FAT2: variants seen among roughly 807,000 people sequenced by gnomAD.
The protein encoded by FAT2 is protocadherin Fat 2.
A neutral mutation model predicts 295.3 loss-of-function variants in FAT2; 150 were observed. The ratio of observed to expected loss-of-function variants is 0.51; its 90% CI spans 0.44 to 0.58. The LOEUF (loss-of-function observed/expected upper bound fraction) is 0.58, where lower values mean the gene tolerates loss of function less well. Ranked by LOEUF, FAT2 falls within the 20% of genes least tolerant of loss-of-function variation. FAT2 has a pLI of 0.00. For missense variants in FAT2, 4,868 were observed against 5,442.7 expected (o/e 0.89, Z 3.32); for synonymous variants, 2,026 against 2,150.3 (o/e 0.94, Z 1.60).
At chr5:151,523,727 C>G (rs1237971890) in intron 18 of FAT2, among the ~76,000 whole-genome samples, 2 of 152,156 alleles carry the variant, frequency 1.3e-5, no homozygotes, top group Admixed American at 6.5e-5. Context: ...TGAGGGCCAT[C>G]TACCAATCCT....
At chr5:151,554,719 T>G in intron 4 of FAT2, 46 bp from the exon 5 acceptor site, 1 of 1,447,434 alleles carries the variant, frequency 6.9e-7, no homozygotes, top group Admixed American at 1.8e-5. Flanking sequence ...CAATTGCAAA[T>G]TAGTGACTAT....
At chr5:151,576,029 A>G (rs1252082845) in intron 1 of FAT2, among the ~76,000 whole-genome samples, 2 of 152,248 alleles carry the variant, frequency 1.3e-5, no homozygotes, top group Non-Finnish European at 2.9e-5. Flanking sequence ...CACAGGATTC[A>G]TGAGATTCAG....
At chr5:151,590,082 A>T (rs1561892752) in intron 1 of FAT2, among the ~76,000 whole-genome samples, 1 of 152,210 alleles carries the variant, frequency 6.6e-6, no homozygotes, top group Admixed American at 6.5e-5. Context: ...TTGAAACCTC[A>T]AAAATTTCAA....
Position 151,507,451 on chromosome 5 carries a change from T to C in FAT2, c.12220A>G (p.Lys4074Glu), listed in dbSNP as rs1218671068. 1 of 1,614,142 alleles carries C rather than the reference T, an allele frequency of 6.2e-7. No individual in the cohort carries two copies. The highest frequency in any genetic ancestry group is 8.5e-7 in the Non-Finnish European group (1 of 1,180,012). ...TCCATGGCCACAGGCTTGTGAGACT[T>C]GCAACGGCGGCAGTAGAAGAGAAGC... ...VGLLFYCRRC[K>E]SHKPVAMEDP... The change falls in exon 23 of 24, where the codon AAG (lysine) becomes GAG (glutamate). Residue 4074 changes from lysine to glutamate, a missense_variant. Coordinates refer to ENST00000261800, the MANE Select transcript of FAT2 (RefSeq NM_001447.3).
rs1170476016 is a variant in FAT2, at chr5:151,554,618, A to G, written c.3689T>C (p.Val1230Ala). Residue 1230 changes from valine to alanine, a missense_variant, in exon 5 of 24, where the codon GTA becomes GCA. Coordinates refer to ENST00000261800, the MANE Select transcript of FAT2 (RefSeq NM_001447.3). ...ATTGTCATTGACGTCCAAGATGCCT[A>G]CCACCACCCTGGAGGTGGACTTCAG... The part of the protein sequence containing the change: ...PSLKSTSRVV[V>A]GILDVNDNPP... The G allele has an allele frequency of 1.2e-6, 2 of 1,614,052 alleles. No homozygotes were observed. Among genetic ancestry groups the G allele is most frequent in the Admixed American group, 1.7e-5 (1 of 60,020 alleles).
intron 4 of FAT2, among the ~76,000 whole-genome samples, chr5:151,556,058 G>A (rs1033614030): frequency 2.6e-5 from 4 of 152,100 alleles, no homozygotes; most frequent in African/African-American, 4.8e-5. Context: ...GACTGGACTC[G>A]GTAAGTACAT....
intron 1 of FAT2, among the ~76,000 whole-genome samples, chr5:151,573,759 A>G (rs1758629854): frequency 6.6e-6 from 1 of 152,182 alleles, no homozygotes; most frequent in Admixed American, 6.5e-5. Context: ...GGCTTTATAG[A>G]GGCTGTGATT....
chr5:151,529,360 C>G lies in FAT2; in HGVS notation c.9844G>C (p.Glu3282Gln), dbSNP rs773163841. The change falls in exon 15 of 24, where the codon GAG (glutamate) becomes CAG (glutamine). Residue 3282 changes from glutamate (E) to glutamine (Q), a missense_variant. By Grantham distance (29) the Glu-to-Gln change is conservative. This residue lies in a region of FAT2 where 1,046 missense variants were observed against 1,210.1 expected (regional missense o/e 0.86). Coordinates refer to ENST00000261800, the MANE Select transcript of FAT2 (RefSeq NM_001447.3). Reference sequence around the variant, plus strand: ...GACAGGAAGTACTTGGGGCTTGTCTCAAAGTCCAGGCTTGCGTTGACATAC... The same window carrying G: ...GACAGGAAGTACTTGGGGCTTGTCTGAAAGTCCAGGCTTGCGTTGACATAC... ...ILYVNASLDF[E>Q]TSPKYFLSIE... is the part of the protein sequence containing the mutation. 1.2e-6 allele frequency: 2 copies of G among 1,614,014 alleles called. No individual in the cohort carries two copies. The highest frequency in any genetic ancestry group is 1.7e-6 in the Non-Finnish European group (2 of 1,180,026).
At chr5:151,532,754 G>T (rs58960363) in intron 13 of FAT2, among the ~76,000 whole-genome samples, 17,977 of 152,142 alleles carry the variant, frequency 0.12, 2,115 homozygotes, top group African/African-American at 0.31. Context: ...CCATAGTGTA[G>T]GAAAAACACC....
chr5:151,527,129 G>A (rs1581331684), intron 17 of FAT2, 105 bp downstream of exon 17: 2 of 1,210,262 alleles, frequency 1.7e-6, no homozygotes, highest in East Asian at 2.4e-5. Context: ...CAGTGGCAAA[G>A]TCACAGTCAT....
Position 151,568,601 on chromosome 5 carries a change from C to A in FAT2, c.331G>T (p.Val111Leu). The part of the protein sequence containing the change: ...SSNTALLNRE[V>L]RDSYTLIIQA... ...ATGATGAGGGTGTAGCTGTCTCGCACCTCTCTGTTCAGAAGAGCTGTGTTG... is the reference window on the plus strand; with the variant it reads ...ATGATGAGGGTGTAGCTGTCTCGCAACTCTCTGTTCAGAAGAGCTGTGTTG... The change falls in exon 2 of 24, where the codon GTG becomes TTG. Residue 111 changes from valine to leucine, a missense_variant. Val to Leu is a conservative substitution (Grantham distance 32). Transcript: ENST00000261800. 5 of 1,614,150 alleles carry A rather than the reference C, an allele frequency of 3.1e-6. No homozygotes were observed. The highest frequency in any genetic ancestry group is 4.2e-6 in the Non-Finnish European group (5 of 1,180,026).
At chr5:151,510,430 A>G (rs1273359227) in intron 21 of FAT2, 3 of 384,614 alleles carry the variant, frequency 7.8e-6, no homozygotes, top group South Asian at 3.7e-5. Context: ...GATAACAACC[A>G]TAGACACTAA....
intron 1 of FAT2, among the ~76,000 whole-genome samples, chr5:151,584,580 G>C (rs1359861107): frequency 6.6e-6 from 1 of 152,162 alleles, no homozygotes; most frequent in African/African-American, 2.4e-5. Context: ...ACCGCATACG[G>C]TCTCTGCCCA....
rs565874268 is a variant in FAT2, at chr5:151,537,752, A to G, written c.9193+41T>C. On this transcript the variant is annotated intron_variant, in intron 12 of 23. Transcript: ENST00000261800. Reference sequence around the variant, plus strand: ...TGGCACTGGGCACTTGGTATTCAGTAAAGAAGTTCTTGTTTTGATCCTGCA... The same window carrying G: ...TGGCACTGGGCACTTGGTATTCAGTGAAGAAGTTCTTGTTTTGATCCTGCA... 9.6e-5 allele frequency: 152 copies of G among 1,583,182 alleles called. 2 individuals are homozygous for G. The South Asian group carries it at 1.6e-3, about 16-fold the overall frequency.
chr5:151,536,976 C>A (rs1346100715), intron 12 of FAT2, among the ~76,000 whole-genome samples: 2 of 152,190 alleles, frequency 1.3e-5, no homozygotes, highest in South Asian at 4.1e-4. Context: ...TGTATAAATT[C>A]TCCTGCCTTG....
chr5:151,575,085 G>A (rs1320383696), intron 1 of FAT2, among the ~76,000 whole-genome samples: 1 of 152,260 alleles, frequency 6.6e-6, no homozygotes, highest in Non-Finnish European at 1.5e-5. Context: ...GCAGTCTGAA[G>A]TGTCAGCTGG....
At chr5:151,575,619 T>G (rs899863602) in intron 1 of FAT2, among the ~76,000 whole-genome samples, 5 of 152,238 alleles carry the variant, frequency 3.3e-5, no homozygotes, top group Non-Finnish European at 5.9e-5. Flanking sequence ...CATTCATTAC[T>G]CTGAATCTGT....
intron 10 of FAT2, among the ~76,000 whole-genome samples, chr5:151,541,284 C>T (rs1756109636): frequency 6.6e-6 from 1 of 152,228 alleles, no homozygotes; most frequent in African/African-American, 2.4e-5. Context: ...GGATTTCTCA[C>T]TCTGAGATCC....
At chr5:151,565,181 CAAAT>C (rs1342180444) in intron 2 of FAT2, among the ~76,000 whole-genome samples, 1 of 151,884 alleles carries the variant, frequency 6.6e-6, no homozygotes, top group South Asian at 2.1e-4. Flanking sequence ...CCAATTAAAA[CAAAT>C]GAACTGACAA....
Sources: gnomAD v4.1 joint callset for allele counts (sites outside exome capture counted in the v4.1 genomes callset) on GRCh38, gnomAD v4.1.1 for gene constraint, gnomAD v4.1.1 regional missense constraint, MANE v1.5 for transcripts, NCBI Gene and HGNC (gene_info 2026-07-23, HGNC 2026-07-21) for gene names.